Variants in PGGT1B observed in about 807,000 individuals in gnomAD.
PGGT1B encodes the protein protein geranylgeranyltransferase type I subunit beta.
A neutral mutation model predicts 46.1 loss-of-function variants in PGGT1B; 30 were observed. The observed-to-expected ratio is 0.65, with a 90% confidence interval of 0.49 to 0.88. The LOEUF (loss-of-function observed/expected upper bound fraction) is 0.88. Ranked by LOEUF, PGGT1B falls within the 40% of genes least tolerant of loss-of-function variation. The pLI, the probability that PGGT1B is intolerant of heterozygous loss-of-function variation, is 0.00. For missense variants in PGGT1B, 376 were observed against 455.9 expected (o/e 0.82, Z 1.60); for synonymous variants, 170 against 160.0 (o/e 1.06, Z -0.47).
At chr5:115,250,775 A>C (rs1229726182) in intron 2 of PGGT1B, among the ~76,000 whole-genome samples, 1 of 152,198 alleles carries the variant, frequency 6.6e-6, no homozygotes, top group African/African-American at 2.4e-5. Context: ...AAAGTACATG[A>C]CTAGCACTCC....
chr5:115,237,001 A>G (rs1423025913), intron 4 of PGGT1B, among the ~76,000 whole-genome samples: 1 of 152,216 alleles, frequency 6.6e-6, no homozygotes, highest in Non-Finnish European at 1.5e-5. Context: ...TTTACATATT[A>G]GTTGTAGAGA....
intron 1 of PGGT1B, among the ~76,000 whole-genome samples, chr5:115,257,444 G>C (rs1748368190): frequency 6.6e-6 from 1 of 150,504 alleles, no homozygotes; most frequent in Non-Finnish European, 1.5e-5. Flanking sequence ...AACCCAGTAG[G>C]TGGAGGTTAC....
intron 7 of PGGT1B, among the ~76,000 whole-genome samples, chr5:115,219,777 T>C (rs1756531337): frequency 6.6e-6 from 1 of 151,526 alleles, no homozygotes; most frequent in South Asian, 2.1e-4. Context: ...AGGCAAAGGG[T>C]TTGAATAGAT....
rs1040211533 is a variant in PGGT1B, at chr5:115,257,477, C to A, written c.141-4222G>T. ...TACAGTGAGCTGAGGTTGCAGTGAG[C>A]CGAGATCGTGCCATTGCACTCCAGC... On this transcript the variant is annotated intron_variant, in intron 1 of 8. Coordinates refer to ENST00000419445, the MANE Select transcript of PGGT1B (RefSeq NM_005023.4). Among the ~76,000 whole-genome samples the A allele has an allele frequency of 2.7e-5, 4 of 147,102 alleles. No homozygotes were observed. In the East Asian group the frequency reaches 7.9e-4, roughly 29 times the overall value.
intron 1 of PGGT1B, among the ~76,000 whole-genome samples, chr5:115,258,729 G>C (rs1162181694): frequency 1.3e-5 from 2 of 152,148 alleles, no homozygotes. Flanking sequence ...TCTCTCTTCA[G>C]GCTGAGCTAC....
chr5:115,226,142 C>A (rs1457215598), intron 6 of PGGT1B, among the ~76,000 whole-genome samples: 1 of 151,982 alleles, frequency 6.6e-6, no homozygotes, highest in Admixed American at 6.6e-5. Context: ...AAATTCAATT[C>A]TTCCAAAACA....
At chr5:115,224,680 G>A (rs1161470927) in intron 6 of PGGT1B, among the ~76,000 whole-genome samples, 1 of 151,906 alleles carries the variant, frequency 6.6e-6, no homozygotes, top group Admixed American at 6.6e-5. Flanking sequence ...GACCAGCCTG[G>A]GCAACATAAG....
intron 7 of PGGT1B, 57 bp downstream of exon 7, chr5:115,221,767 A>C: frequency 9.2e-7 from 1 of 1,087,310 alleles, no homozygotes; most frequent in African/African-American, 1.6e-5. Context: ...AAACCTTTTT[A>C]GCACAATCTA....
At chr5:115,260,175 A>T (rs1748494706) in intron 1 of PGGT1B, among the ~76,000 whole-genome samples, 1 of 152,214 alleles carries the variant, frequency 6.6e-6, no homozygotes, top group Admixed American at 6.5e-5. Context: ...TCACTAGAAA[A>T]GTAAAAATTA....
At chr5:115,252,881 G>A (rs1454639989) in intron 2 of PGGT1B, 2 of 360,908 alleles carry the variant, frequency 5.5e-6, no homozygotes, top group Non-Finnish European at 9.9e-6. Flanking sequence ...CATCAAAGTG[G>A]AAGTATACAA....
rs1009282190 is a variant in PGGT1B at position 115,230,410 on chromosome 5, G to A, written c.658+566C>T. ...TCTCCAAATGGAAATTTCAACTTGA[G>A]AGAATTCAGGCTATTGATGTGCTGA... On this transcript the variant is annotated intron_variant, in intron 6 of 8. Coordinates refer to ENST00000419445, the MANE Select transcript of PGGT1B (RefSeq NM_005023.4). 7.2e-5 allele frequency among the ~76,000 whole-genome samples: 11 copies of A among 152,196 alleles called. 1 individual carries two copies. Among genetic ancestry groups the A allele is most frequent in the Admixed American group, 2.0e-4 (3 of 15,266 alleles).
chr5:115,239,812 G>A (rs952256672), intron 3 of PGGT1B, among the ~76,000 whole-genome samples: 1 of 152,180 alleles, frequency 6.6e-6, no homozygotes, highest in Non-Finnish European at 1.5e-5. Context: ...AAATTTGCTA[G>A]AGAGCATGGG....
At chr5:115,257,530 C>CAAAA (rs1169870044) in intron 1 of PGGT1B, among the ~76,000 whole-genome samples, 88 of 71,394 alleles carry the variant, frequency 1.2e-3, no homozygotes, top group Middle Eastern at 8.8e-3. Flanking sequence ...AACTCCATCT[C>CAAAA]AAAAAAAAAA....
chr5:115,245,908 T>C (rs1472074785), intron 2 of PGGT1B, among the ~76,000 whole-genome samples: 1 of 152,190 alleles, frequency 6.6e-6, no homozygotes, highest in Non-Finnish European at 1.5e-5. Context: ...AGTAAGAGAA[T>C]TCTCCTGTTT....
intron 6 of PGGT1B, among the ~76,000 whole-genome samples, chr5:115,223,992 C>T (rs1260751144): frequency 6.6e-6 from 1 of 152,152 alleles, no homozygotes; most frequent in African/African-American, 2.4e-5. Flanking sequence ...GAAAGGTGAG[C>T]ATTCCCTCTA....
intron 7 of PGGT1B, among the ~76,000 whole-genome samples, chr5:115,219,508 C>T (rs1327577858): frequency 6.6e-6 from 1 of 151,766 alleles, no homozygotes; most frequent in Non-Finnish European, 1.5e-5. Context: ...GAAGAAAACA[C>T]TGGGGAAAAT....
At chr5:115,222,928 T>C (rs915884968) in intron 6 of PGGT1B, among the ~76,000 whole-genome samples, 2 of 151,994 alleles carry the variant, frequency 1.3e-5, no homozygotes, top group Non-Finnish European at 2.9e-5. Flanking sequence ...TGAGAACACC[T>C]GGACACAGGG....
intron 8 of PGGT1B, among the ~76,000 whole-genome samples, chr5:115,213,822 C>CAA (rs564270153): frequency 2.0e-5 from 3 of 152,106 alleles, no homozygotes; most frequent in Non-Finnish European, 4.4e-5. Flanking sequence ...CAAACTTTGT[C>CAA]AAAAGAGTTA....
chr5:115,216,791 C>A (rs1756432336), intron 8 of PGGT1B, 74 bp downstream of exon 8: 1 of 771,598 alleles, frequency 1.3e-6, no homozygotes, highest in Admixed American at 2.2e-5. Context: ...CTATCATATG[C>A]CTTTTCTGAT....
Sources: allele counts gnomAD v4.1 joint callset (sites outside exome capture counted in the v4.1 genomes callset), GRCh38; gene constraint gnomAD v4.1.1; transcripts MANE v1.5; gene names NCBI Gene and HGNC (gene_info 2026-07-23, HGNC 2026-07-21).